Variants in SERGEF observed in about 807,000 individuals in gnomAD.
SERGEF encodes the protein secretion-regulating guanine nucleotide exchange factor.
A neutral mutation model predicts 50.0 loss-of-function variants in SERGEF; 51 were observed. That is an observed-to-expected ratio of 1.02 (90% confidence interval 0.81 to 1.29). The LOEUF (loss-of-function observed/expected upper bound fraction) is 1.29, where lower values mean the gene tolerates loss of function less well. Among genes scored for constraint, SERGEF ranks in the 50% most tolerant of loss-of-function variants. SERGEF has a pLI of 0.00. For missense variants in SERGEF, 521 were observed against 557.0 expected (o/e 0.94, Z 0.65); for synonymous variants, 205 against 212.4 (o/e 0.97, Z 0.30).
intron 8 of SERGEF, among the ~76,000 whole-genome samples, chr11:17,975,400 G>C (rs1339129243): frequency 6.6e-6 from 1 of 152,012 alleles, no homozygotes. Flanking sequence ...ATAAGGAGAA[G>C]CCCCAGAGCT....
rs535883130 is a variant in SERGEF, at chr11:17,809,930, A to G, written c.1049-21517T>C. Among the ~76,000 whole-genome samples the G allele has an allele frequency of 9.2e-5, 14 of 152,308 alleles. No homozygotes were observed. In the East Asian group the frequency reaches 2.7e-3, roughly 29 times the overall value. On this transcript the variant is annotated intron_variant, in intron 10 of 10. Transcript: ENST00000265965. Reference sequence around the variant, plus strand: ...CATTTGGGGAGGAACAGACCATGAAACAAGGGCAGCTGTCCCAGGAAGATT... The same window carrying G: ...CATTTGGGGAGGAACAGACCATGAAGCAAGGGCAGCTGTCCCAGGAAGATT...
chr11:17,871,016 A>C (rs1392902930), intron 10 of SERGEF, among the ~76,000 whole-genome samples: 1 of 152,214 alleles, frequency 6.6e-6, no homozygotes, highest in African/African-American at 2.4e-5. Context: ...AATGTTTAAA[A>C]AAACTAACTT....
intron 10 of SERGEF, among the ~76,000 whole-genome samples, chr11:17,821,382 C>T (rs1269287379): frequency 2.0e-5 from 3 of 152,170 alleles, no homozygotes; most frequent in Non-Finnish European, 2.9e-5. Flanking sequence ...TGTATCACCC[C>T]TCATCTCCCT....
intron 10 of SERGEF, among the ~76,000 whole-genome samples, chr11:17,795,665 A>G (rs1413621332): frequency 6.6e-6 from 1 of 152,164 alleles, no homozygotes; most frequent in South Asian, 2.1e-4. Context: ...GGCTGTTCAC[A>G]TTGCCATGCT....
chr11:17,916,051 CT>C (rs1299953769), intron 9 of SERGEF, among the ~76,000 whole-genome samples: 2 of 151,530 alleles, frequency 1.3e-5, no homozygotes, highest in Non-Finnish European at 2.9e-5. Context: ...CAAGTAAAAC[CT>C]TTTTTTTTCC....
At chr11:17,860,533 G>C (rs919588788) in intron 10 of SERGEF, among the ~76,000 whole-genome samples, 3 of 152,152 alleles carry the variant, frequency 2.0e-5, no homozygotes, top group African/African-American at 7.2e-5. Flanking sequence ...AATTCAAAAT[G>C]GTTGGCTCCG....
At chr11:17,900,484 C>A (rs1236044901) in intron 9 of SERGEF, among the ~76,000 whole-genome samples, 2 of 152,102 alleles carry the variant, frequency 1.3e-5, no homozygotes, top group African/African-American at 2.4e-5. Flanking sequence ...AGCTAAAAGT[C>A]ATCTAACTTT....
chr11:17,806,317 T>C (rs1449295017), intron 10 of SERGEF, among the ~76,000 whole-genome samples: 1 of 152,206 alleles, frequency 6.6e-6, no homozygotes, highest in Non-Finnish European at 1.5e-5. Flanking sequence ...GATGGTCCAT[T>C]TATGTGGAAA....
chr11:17,986,577 C>T (rs934279534), intron 8 of SERGEF, among the ~76,000 whole-genome samples: 3 of 152,196 alleles, frequency 2.0e-5, no homozygotes, highest in Non-Finnish European at 4.4e-5. Context: ...GGGCTGCTGG[C>T]CCAGATGTGG....
intron 8 of SERGEF, among the ~76,000 whole-genome samples, chr11:17,981,128 GGTCA>G (rs1327463879): frequency 1.3e-5 from 2 of 152,108 alleles, no homozygotes; most frequent in African/African-American, 4.8e-5. Context: ...GCAGTGTCTG[GGTCA>G]CTCCTTCGGC....
chr11:17,880,623 C>T (rs925971276), intron 9 of SERGEF, among the ~76,000 whole-genome samples: 14 of 150,584 alleles, frequency 9.3e-5, no homozygotes, highest in South Asian at 4.2e-4. Context: ...TTCTATACTC[C>T]GAATTTTATA....
chr11:17,830,228 C>T (rs1850268638), intron 10 of SERGEF, among the ~76,000 whole-genome samples: 1 of 152,180 alleles, frequency 6.6e-6, no homozygotes, highest in Non-Finnish European at 1.5e-5. Flanking sequence ...GGCATAGTGC[C>T]CTGGCACATA....
At chr11:17,840,065 C>A (rs1303670858) in intron 10 of SERGEF, among the ~76,000 whole-genome samples, 2 of 152,230 alleles carry the variant, frequency 1.3e-5, no homozygotes, top group African/African-American at 4.8e-5. Flanking sequence ...CTCTGTCCCA[C>A]CTGACATGTG....
chr11:17,816,948 G>T (rs1849985303), intron 10 of SERGEF, among the ~76,000 whole-genome samples: 1 of 152,086 alleles, frequency 6.6e-6, no homozygotes, highest in African/African-American at 2.4e-5. Context: ...ATACCAAATG[G>T]TCCTTCAAGG....
At chr11:17,942,397 C>A (rs913305793) in intron 9 of SERGEF, among the ~76,000 whole-genome samples, 1 of 151,886 alleles carries the variant, frequency 6.6e-6, no homozygotes, top group East Asian at 1.9e-4. Context: ...AAAAAAACTG[C>A]TTTTTAAAAA....
chr11:18,008,172 C>A, intron 1 of SERGEF, 96 bp from the exon 2 acceptor site: 3 of 1,288,424 alleles, frequency 2.3e-6, no homozygotes, highest in Non-Finnish European at 3.2e-6. Flanking sequence ...ACGTATCTCT[C>A]AGACCCTGTA....
At chr11:17,976,645 TG>T (rs1853382295) in intron 8 of SERGEF, among the ~76,000 whole-genome samples, 5 of 152,000 alleles carry the variant, frequency 3.3e-5, no homozygotes, top group Admixed American at 3.3e-4. Flanking sequence ...CAAGGTCCCC[TG>T]AGAAAGGGCA....
chr11:17,835,824 C>T (rs541957320), intron 10 of SERGEF, among the ~76,000 whole-genome samples: 14 of 152,282 alleles, frequency 9.2e-5, no homozygotes, highest in South Asian at 4.1e-4. Context: ...TGTTTTTAGA[C>T]GGCATATCTG....
intron 8 of SERGEF, among the ~76,000 whole-genome samples, chr11:17,973,561 A>G (rs1853301975): frequency 6.6e-6 from 1 of 152,172 alleles, no homozygotes; most frequent in Non-Finnish European, 1.5e-5. Flanking sequence ...GAAGGGAAGG[A>G]GCCTATCCTA....
Sources: gnomAD v4.1 joint callset for allele counts (sites outside exome capture counted in the v4.1 genomes callset) on GRCh38, gnomAD v4.1.1 for gene constraint, MANE v1.5 for transcripts, NCBI Gene and HGNC (gene_info 2026-07-23, HGNC 2026-07-21) for gene names.